The following PLXDC2 variants were observed in gnomAD, a reference collection of about 807,000 sequenced individuals.
PLXDC2 encodes the protein plexin domain containing 2, also known as plexin domain-containing protein 2.
A neutral mutation model predicts 68.9 loss-of-function variants in PLXDC2; 40 were observed. The observed-to-expected ratio is 0.58, with a 90% CI of 0.45 to 0.76. PLXDC2 has a LOEUF of 0.76. PLXDC2 is among the 30% of genes least tolerant of loss of function. The probability of loss-of-function intolerance (pLI) is 0.00; values close to 1 mark genes in which losing one functional copy is unlikely to be tolerated. For synonymous variants in PLXDC2, 243 were observed against 234.2 expected (o/e 1.04, Z -0.34); for missense variants, 644 against 661.9 (o/e 0.97, Z 0.30).
In PLXDC2 at chr10:20,160,640, C is replaced by T. The variant is rs1318999135; in HGVS notation, c.784-3828C>T. On this transcript the variant is annotated intron_variant, in intron 6 of 13. Coordinates refer to ENST00000377252, the MANE Select transcript of PLXDC2 (RefSeq NM_032812.9). Reference sequence around the variant, plus strand: ...ACCGTGAGGCTACCCATTTTGGTTTCGGGTAAATTTTTCTCCTGTTAAATG... The same window carrying T: ...ACCGTGAGGCTACCCATTTTGGTTTTGGGTAAATTTTTCTCCTGTTAAATG... 2.6e-5 allele frequency among the ~76,000 whole-genome samples: 4 copies of T among 151,884 alleles called. No individual in the cohort carries two copies. The East Asian group carries it at 5.8e-4, about 22-fold the overall frequency.
intron 3 of PLXDC2, among the ~76,000 whole-genome samples, chr10:20,067,909 A>T (rs895033619): frequency 6.8e-6 from 1 of 147,950 alleles, no homozygotes; most frequent in Non-Finnish European, 1.5e-5. Context: ...TAAGTTGCTC[A>T]TCATCAAGAA....
chr10:19,897,833 T>G (rs1254057037), intron 1 of PLXDC2, among the ~76,000 whole-genome samples: 1 of 152,182 alleles, frequency 6.6e-6, no homozygotes. Context: ...TTATATATGA[T>G]AATTTTCAGA....
rs545946237 is a variant in PLXDC2 at position 20,111,658 on chromosome 10, T to A, written c.542-31637T>A. ...ATGTTTACTTCATTTTCAAACTAGT[T>A]AAGGATGACCAAATATATTTTGTAA... On this transcript the variant is annotated intron_variant, in intron 4 of 13. Transcript: ENST00000377252. Among the ~76,000 whole-genome samples the A allele has an allele frequency of 2.6e-5, 4 of 152,296 alleles. No individual in the cohort carries two copies. The East Asian group carries it at 7.7e-4, about 29-fold the overall frequency.
chr10:19,987,769 T>C (rs926635551), intron 1 of PLXDC2, among the ~76,000 whole-genome samples: 1 of 152,030 alleles, frequency 6.6e-6, no homozygotes, highest in African/African-American at 2.4e-5. Context: ...TTTCACCTTG[T>C]TGGCCAGGAT....
intron 1 of PLXDC2, among the ~76,000 whole-genome samples, chr10:19,987,562 GTT>G (rs762882608): frequency 5.9e-5 from 1 of 16,820 alleles, no homozygotes; most frequent in African/African-American, 2.9e-4. Context: ...GTTTTGTTTT[GTT>G]TTTTTTTCTT....
chr10:19,988,521 G>T (rs1834686917), intron 1 of PLXDC2, among the ~76,000 whole-genome samples: 1 of 151,970 alleles, frequency 6.6e-6, no homozygotes, highest in Non-Finnish European at 1.5e-5. Context: ...CTTAATAGTG[G>T]ATTCAAGGAC....
At chr10:19,890,542 GTT>G (rs71388876) in intron 1 of PLXDC2, among the ~76,000 whole-genome samples, 2 of 139,432 alleles carry the variant, frequency 1.4e-5, no homozygotes, top group Non-Finnish European at 3.1e-5. Context: ...CTGAGACGGG[GTT>G]TTTTTTTTTT....
intron 2 of PLXDC2, among the ~76,000 whole-genome samples, chr10:20,046,418 A>T (rs1589603546): frequency 6.6e-6 from 1 of 152,264 alleles, no homozygotes; most frequent in East Asian, 1.9e-4. Context: ...CTCCACGTTT[A>T]CATTTGGATC....
chr10:20,014,484 T>C (rs1439535713), intron 2 of PLXDC2, among the ~76,000 whole-genome samples: 2 of 151,560 alleles, frequency 1.3e-5, no homozygotes, highest in African/African-American at 4.9e-5. Flanking sequence ...TTTTCCTTTC[T>C]TTCTCTCTTT....
chr10:19,971,494 G>T (rs929441973), intron 1 of PLXDC2, among the ~76,000 whole-genome samples: 3 of 152,168 alleles, frequency 2.0e-5, no homozygotes, highest in African/African-American at 7.2e-5. Flanking sequence ...GCTGAAATGA[G>T]AGGGCTGAGA....
intron 4 of PLXDC2, among the ~76,000 whole-genome samples, chr10:20,124,710 G>T (rs144802193): frequency 6.6e-6 from 1 of 151,884 alleles, no homozygotes; most frequent in African/African-American, 2.4e-5. Flanking sequence ...GTTCTCTGGC[G>T]GGCAGGAGTG....
At chr10:20,261,809 G>C (rs141969581) in intron 13 of PLXDC2, among the ~76,000 whole-genome samples, 1 of 152,110 alleles carries the variant, frequency 6.6e-6, no homozygotes, top group Non-Finnish European at 1.5e-5. Context: ...AGCCAAGATC[G>C]TGCCATTGTA....
At chr10:20,137,150 TCTC>T (rs1320650480) in intron 4 of PLXDC2, among the ~76,000 whole-genome samples, 1 of 152,158 alleles carries the variant, frequency 6.6e-6, no homozygotes, top group Non-Finnish European at 1.5e-5. Flanking sequence ...GTTATATAAA[TCTC>T]CTAGCATTAG....
chr10:19,932,035 C>A (rs1272695013), intron 1 of PLXDC2, among the ~76,000 whole-genome samples: 1 of 151,684 alleles, frequency 6.6e-6, no homozygotes, highest in African/African-American at 2.4e-5. Context: ...ACTTGCATGA[C>A]TGTATAAACA....
chr10:19,911,075 G>T (rs892948091), intron 1 of PLXDC2, among the ~76,000 whole-genome samples: 1 of 151,872 alleles, frequency 6.6e-6, no homozygotes, highest in East Asian at 1.9e-4. Context: ...GTTCTCAAAA[G>T]TTTGGACCTT....
intron 13 of PLXDC2, among the ~76,000 whole-genome samples, chr10:20,273,298 G>A (rs991686383): frequency 2.6e-5 from 4 of 151,412 alleles, no homozygotes; most frequent in Non-Finnish European, 4.4e-5. Context: ...ATTGTATATC[G>A]ACAAAGTTCA....
chr10:19,949,245 GT>G (rs1291000330), intron 1 of PLXDC2, among the ~76,000 whole-genome samples: 1 of 150,328 alleles, frequency 6.7e-6, no homozygotes, highest in Non-Finnish European at 1.5e-5. Flanking sequence ...GTCTAAATTT[GT>G]GACAAAGCAT....
intron 13 of PLXDC2, among the ~76,000 whole-genome samples, chr10:20,263,964 A>G (rs1326037047): frequency 3.3e-5 from 5 of 152,156 alleles, no homozygotes. Flanking sequence ...CTTGGTATAT[A>G]TATATACCAA....
chr10:20,161,742 T>G (rs1834294964), intron 6 of PLXDC2, among the ~76,000 whole-genome samples: 1 of 151,414 alleles, frequency 6.6e-6, no homozygotes, highest in Non-Finnish European at 1.5e-5. Flanking sequence ...ACAGAAAAGG[T>G]AGAATGCGGC....
Sources: gnomAD v4.1 joint callset for allele counts (sites outside exome capture counted in the v4.1 genomes callset) on GRCh38, gnomAD v4.1.1 for gene constraint, MANE v1.5 for transcripts, NCBI Gene and HGNC (gene_info 2026-07-23, HGNC 2026-07-21) for gene names.